The following TTLL13 variants were observed in gnomAD, a reference collection of about 807,000 sequenced individuals.
TTLL13 encodes tubulin polyglutamylase TTLL13.
At chr15:90,256,553 C>CT in the TTLL13 span, among the ~76,000 whole-genome samples, 1 of 77,174 alleles carries the variant, frequency 1.3e-5, no homozygotes. Flanking sequence ...CTTTTTCTTT[C>CT]TTTCTTTCTT....
the TTLL13 span, among the ~76,000 whole-genome samples, chr15:90,254,234 C>T: frequency 6.7e-6 from 1 of 148,784 alleles, no homozygotes. Context: ...GTGGCTCACG[C>T]CTGTAATCCC....
chr15:90,255,940 C>G, the TTLL13 span: 2 of 1,612,052 alleles, frequency 1.2e-6, no homozygotes, highest in South Asian at 2.2e-5. Context: ...AAGGGTCGCT[C>G]TCAGAGCTCT....
chr15:90,256,394 C>T, the TTLL13 span: 1 of 1,480,716 alleles, frequency 6.8e-7, no homozygotes, highest in Non-Finnish European at 9.3e-7. Flanking sequence ...TCTTAGGCTT[C>T]TACCCTTCCC....
At chr15:90,250,671 A>T in the TTLL13 span, 1 of 1,614,116 alleles carries the variant, frequency 6.2e-7, no homozygotes, top group South Asian at 1.1e-5. Flanking sequence ...TCAGAGGAAG[A>T]CTATGTTGAG....
the TTLL13 span, chr15:90,263,903 G>A: frequency 5.3e-6 from 7 of 1,314,402 alleles, no homozygotes; most frequent in Non-Finnish European, 6.4e-6. Context: ...GCACTGCCAA[G>A]CATGAATGCT....
chr15:90,262,249 A>C, the TTLL13 span: 2 of 1,431,262 alleles, frequency 1.4e-6, no homozygotes, highest in Non-Finnish European at 9.2e-7. Context: ...CTGAAGCTGC[A>C]TTGCTTCCCA....
At chr15:90,255,823 CA>C in the TTLL13 span, 1 of 1,614,180 alleles carries the variant, frequency 6.2e-7, no homozygotes, top group Admixed American at 1.7e-5. Flanking sequence ...ACCTCAACCG[CA>C]TGTACAAACT....
At chr15:90,250,658 G>A in the TTLL13 span, 12 of 1,614,100 alleles carry the variant, frequency 7.4e-6, no homozygotes, top group Non-Finnish European at 1.0e-5. Context: ...TAGGACCATG[G>A]AATCAGAGGA....
At chr15:90,250,692 C>A in the TTLL13 span, 1 of 1,614,142 alleles carries the variant, frequency 6.2e-7, no homozygotes, top group Non-Finnish European at 8.5e-7. Flanking sequence ...GAAAAGGAAT[C>A]TGAGAAGTGT....
the TTLL13 span, among the ~76,000 whole-genome samples, chr15:90,253,655 C>T: frequency 6.6e-6 from 1 of 152,094 alleles, no homozygotes; most frequent in Non-Finnish European, 1.5e-5. Context: ...TGGGTGAGCA[C>T]ATCTTAGGGA....
At chr15:90,255,284 G>T in the TTLL13 span, among the ~76,000 whole-genome samples, 2 of 152,252 alleles carry the variant, frequency 1.3e-5, no homozygotes, top group African/African-American at 2.4e-5. Context: ...GGGGTTTCTG[G>T]CAGGCACCAG....
At chr15:90,258,837 G>C in the TTLL13 span, 4 of 1,614,150 alleles carry the variant, frequency 2.5e-6, no homozygotes, top group Non-Finnish European at 3.4e-6. Context: ...GTCAACCTCC[G>C]GGGCTGTGAC....
At chr15:90,251,493 T>G in the TTLL13 span, 3 of 1,491,460 alleles carry the variant, frequency 2.0e-6, no homozygotes, top group Non-Finnish European at 2.8e-6. Flanking sequence ...GGATGTCTTT[T>G]CATCTGAGTA....
the TTLL13 span, among the ~76,000 whole-genome samples, chr15:90,251,114 C>CTT: frequency 1.3e-4 from 14 of 104,664 alleles, 1 homozygote; most frequent in Admixed American, 3.6e-4. Flanking sequence ...CCTGGTCTGT[C>CTT]TTTTTTTTTT....
the TTLL13 span, among the ~76,000 whole-genome samples, chr15:90,251,189 C>T: frequency 2.8e-5 from 4 of 141,792 alleles, no homozygotes; most frequent in Non-Finnish European, 4.5e-5. Context: ...TCTCGGCTCA[C>T]GGCAAGCTCC....
the TTLL13 span, chr15:90,250,883 C>A: frequency 6.2e-7 from 1 of 1,613,576 alleles, no homozygotes; most frequent in Non-Finnish European, 8.5e-7. Context: ...AAGGCGGAAA[C>A]GCAGGTAACT....
At chr15:90,262,825 G>A in the TTLL13 span, 1 of 1,234,886 alleles carries the variant, frequency 8.1e-7, no homozygotes, top group East Asian at 2.6e-5. Context: ...AAGATGAAGT[G>A]AGAGAATGGA....
the TTLL13 span, among the ~76,000 whole-genome samples, chr15:90,252,375 C>A: frequency 6.6e-6 from 1 of 151,412 alleles, no homozygotes; most frequent in Non-Finnish European, 1.5e-5. Flanking sequence ...GAGACAGAGT[C>A]TTGCTATGTT....
the TTLL13 span, among the ~76,000 whole-genome samples, chr15:90,252,470 C>G: frequency 6.6e-6 from 1 of 152,144 alleles, no homozygotes; most frequent in Non-Finnish European, 1.5e-5. Flanking sequence ...CAGGAGCCAC[C>G]ATGCCAGACC....
Sources: gnomAD v4.1 joint callset for allele counts (sites outside exome capture counted in the v4.1 genomes callset) on GRCh38, gnomAD v4.1.1 for gene constraint, MANE v1.5 for transcripts, NCBI Gene and HGNC (gene_info 2026-07-23, HGNC 2026-07-21) for gene names.